Variants in DOCK4 observed in about 807,000 individuals in gnomAD.
DOCK4 encodes dedicator of cytokinesis protein 4.
A neutral mutation model predicts 268.1 loss-of-function variants in DOCK4; 97 were observed. That is an observed-to-expected ratio of 0.36 (90% CI 0.31 to 0.43). DOCK4 has a LOEUF of 0.43. Ranked by LOEUF, DOCK4 falls within the 20% of genes least tolerant of loss-of-function variation. The pLI is 1.00. For missense variants in DOCK4, 2,145 were observed against 2,455.7 expected (o/e 0.87, Z 2.67); for synonymous variants, 954 against 887.2 (o/e 1.08, Z -1.34).
rs547889223 is a variant in DOCK4 at position 111,799,792 on chromosome 7, G to A, written c.3166+9029C>T. On this transcript the variant is annotated intron_variant, in intron 30 of 52. Coordinates refer to ENST00000428084, the MANE Select transcript of DOCK4 (RefSeq NM_001363540.2). ...GCAACTTTTAATTATACATGGGATT[G>A]CATTTGTAACTTTATAAACCCACAA... Among the ~76,000 whole-genome samples the A allele has an allele frequency of 4.2e-4, 64 of 152,224 alleles. 1 individual carries two copies. Among genetic ancestry groups the A allele is most frequent in the African/African-American group, 1.5e-3 (64 of 41,528 alleles).
At chr7:111,748,843 G>A (rs562263436) in intron 42 of DOCK4, among the ~76,000 whole-genome samples, 2 of 152,130 alleles carry the variant, frequency 1.3e-5, no homozygotes, top group Non-Finnish European at 2.9e-5. Flanking sequence ...CCATTGACAA[G>A]AGAATAAACA....
intron 15 of DOCK4, 31 bp from the exon 16 acceptor site, chr7:111,895,749 G>A: frequency 1.9e-6 from 3 of 1,586,124 alleles, no homozygotes; most frequent in Non-Finnish European, 2.6e-6. Context: ...GCTTATTTAA[G>A]TGTATCTATG....
intron 13 of DOCK4, among the ~76,000 whole-genome samples, chr7:111,909,327 G>A (rs1791892968): frequency 6.6e-6 from 1 of 152,172 alleles, no homozygotes; most frequent in Non-Finnish European, 1.5e-5. Flanking sequence ...AGAAGTGTCT[G>A]TTCATATCCT....
intron 1 of DOCK4, among the ~76,000 whole-genome samples, chr7:112,048,536 A>G (rs1349079325): frequency 1.3e-5 from 2 of 151,566 alleles, no homozygotes; most frequent in African/African-American, 4.8e-5. Context: ...GCACTCCAGC[A>G]TGGGCGACGG....
intron 23 of DOCK4, among the ~76,000 whole-genome samples, chr7:111,857,577 C>G (rs984596380): frequency 2.0e-5 from 3 of 152,154 alleles, no homozygotes; most frequent in African/African-American, 7.2e-5. Flanking sequence ...ACATATATAG[C>G]TATTTTTTAG....
At chr7:111,905,385 G>A (rs1419957568) in intron 13 of DOCK4, among the ~76,000 whole-genome samples, 1 of 152,158 alleles carries the variant, frequency 6.6e-6, no homozygotes, top group Non-Finnish European at 1.5e-5. Flanking sequence ...TCTTTAGCAG[G>A]CCTGCTGGCT....
At chr7:111,755,427 G>T in intron 42 of DOCK4, 88 bp downstream of exon 42, 1 of 1,262,458 alleles carries the variant, frequency 7.9e-7, no homozygotes, top group Non-Finnish European at 1.1e-6. Flanking sequence ...AGAGAATCTG[G>T]GTCGAAGGAG....
At chr7:111,984,042 T>C (rs754464556) in intron 7 of DOCK4, among the ~76,000 whole-genome samples, 1 of 152,058 alleles carries the variant, frequency 6.6e-6, no homozygotes, top group Non-Finnish European at 1.5e-5. Flanking sequence ...AGTAGAAAGA[T>C]TTGCAAAAGA....
At chr7:111,743,368 G>A (rs1349494173) in intron 44 of DOCK4, among the ~76,000 whole-genome samples, 1 of 152,328 alleles carries the variant, frequency 6.6e-6, no homozygotes, top group Non-Finnish European at 1.5e-5. Flanking sequence ...TGACCCTGGC[G>A]GGTTGGGGCA....
chr7:111,827,402 C>T (rs1802487442), intron 26 of DOCK4, among the ~76,000 whole-genome samples: 1 of 151,968 alleles, frequency 6.6e-6, no homozygotes, highest in African/African-American at 2.4e-5. Flanking sequence ...TTTAATGTTC[C>T]AGGTTCTGTG....
chr7:112,108,934 G>A (rs547510979), intron 1 of DOCK4, among the ~76,000 whole-genome samples: 1 of 152,212 alleles, frequency 6.6e-6, no homozygotes, highest in South Asian at 2.1e-4. Flanking sequence ...GGATGTAAAG[G>A]TGACAAATCT....
At chr7:112,093,267 C>T (rs1203514841) in intron 1 of DOCK4, among the ~76,000 whole-genome samples, 1 of 152,120 alleles carries the variant, frequency 6.6e-6, no homozygotes, top group Non-Finnish European at 1.5e-5. Context: ...TGCCCACATT[C>T]CCACCTCCCA....
At chr7:111,767,212 G>T in intron 37 of DOCK4, 94 bp from the exon 38 acceptor site, 3 of 881,600 alleles carry the variant, frequency 3.4e-6, no homozygotes, top group Non-Finnish European at 3.5e-6. Context: ...AGAGCACCAA[G>T]CCTTACTCCT....
chr7:111,774,421 T>A (rs1186350556), intron 36 of DOCK4, among the ~76,000 whole-genome samples: 1 of 151,960 alleles, frequency 6.6e-6, no homozygotes, highest in Admixed American at 6.6e-5. Context: ...GGGCCGAGAT[T>A]GCACCACTGC....
chr7:112,116,604 G>A (rs1812198535), intron 1 of DOCK4, among the ~76,000 whole-genome samples: 1 of 152,196 alleles, frequency 6.6e-6, no homozygotes, highest in South Asian at 2.1e-4. Flanking sequence ...ACTACAGAAA[G>A]AGTGAGCTCT....
At chr7:111,769,748 T>C in intron 36 of DOCK4, 71 bp from the exon 37 acceptor site, 2 of 1,521,904 alleles carry the variant, frequency 1.3e-6, no homozygotes, top group Non-Finnish European at 1.8e-6. Flanking sequence ...GTGGCCAGTT[T>C]CCGACAAACT....
At chr7:111,762,417 C>T (rs1005875003) in intron 39 of DOCK4, among the ~76,000 whole-genome samples, 21 of 152,134 alleles carry the variant, frequency 1.4e-4, no homozygotes, top group African/African-American at 5.1e-4. Flanking sequence ...CTTTTTGTTT[C>T]TATGGATTTG....
intron 1 of DOCK4, among the ~76,000 whole-genome samples, chr7:112,017,084 T>A (rs916104391): frequency 3.9e-5 from 6 of 152,160 alleles, no homozygotes; most frequent in Non-Finnish European, 8.8e-5. Flanking sequence ...TAAAATTATA[T>A]ATATTTGTTT....
chr7:111,762,470 C>T (rs1368877872), intron 39 of DOCK4, among the ~76,000 whole-genome samples: 1 of 152,096 alleles, frequency 6.6e-6, no homozygotes, highest in Non-Finnish European at 1.5e-5. Flanking sequence ...TTGTGACTAG[C>T]TTTTACTTAA....
Sources: gnomAD v4.1 joint callset for allele counts (sites outside exome capture counted in the v4.1 genomes callset) on GRCh38, gnomAD v4.1.1 for gene constraint, MANE v1.5 for transcripts, NCBI Gene and HGNC (gene_info 2026-07-23, HGNC 2026-07-21) for gene names.